IARS1: variants seen among roughly 807,000 people sequenced by gnomAD.
IARS1 encodes the protein isoleucine--tRNA ligase, cytoplasmic.
IARS1 carries 124 observed loss-of-function variants against 168.2 expected under a neutral mutation model. The observed-to-expected ratio is 0.74, with a 90% confidence interval of 0.64 to 0.86. The LOEUF (loss-of-function observed/expected upper bound fraction) is 0.86. Among genes scored for constraint, IARS1 ranks in the 40% least tolerant of loss-of-function variants. IARS1 has a pLI of 0.00. For missense variants in IARS1, 1,452 were observed against 1,515.8 expected (o/e 0.96, Z 0.70); for synonymous variants, 532 against 529.4 (o/e 1.00, Z -0.07).
chr9:92,244,023 A>T (rs997833511), intron 27 of IARS1, among the ~76,000 whole-genome samples: 1 of 152,168 alleles, frequency 6.6e-6, no homozygotes, highest in Admixed American at 6.6e-5. Flanking sequence ...TTAAGAAATG[A>T]CTCACTTCAT....
chr9:92,272,864 C>CAAAAAAAAAAAA (rs869076663), intron 10 of IARS1, among the ~76,000 whole-genome samples: 12 of 57,062 alleles, frequency 2.1e-4, no homozygotes, highest in Non-Finnish European at 3.5e-4. Flanking sequence ...CAAAACAAAA[C>CAAAAAAAAAAAA]AAAAAAAAAA....
intron 1 of IARS1, among the ~76,000 whole-genome samples, chr9:92,290,336 C>A (rs751488454): frequency 6.6e-6 from 1 of 152,142 alleles, no homozygotes; most frequent in Non-Finnish European, 1.5e-5. Context: ...TGCTTATTGG[C>A]CATTTGCGTA....
chr9:92,286,656 A>G (rs775759731), intron 4 of IARS1, 38 bp from the exon 5 acceptor site: 23 of 1,105,946 alleles, frequency 2.1e-5, no homozygotes, highest in Non-Finnish European at 3.1e-5. Context: ...TTAGACAATG[A>G]TATTTATAAT....
chr9:92,234,357 G>C (rs1827171872), intron 30 of IARS1, among the ~76,000 whole-genome samples: 1 of 152,142 alleles, frequency 6.6e-6, no homozygotes, highest in Non-Finnish European at 1.5e-5. Flanking sequence ...AATGCTTTCA[G>C]CAGGACAGTA....
In IARS1 at chr9:92,235,513, ATTTTTTT is replaced by A. The variant is rs558342421; in HGVS notation, c.3283+5336_3283+5342del. 2.5e-4 allele frequency among the ~76,000 whole-genome samples: 28 copies of A among 114,194 alleles called. No homozygotes were observed. In the South Asian group the frequency reaches 6.3e-3, roughly 26 times the overall value. The allele number at this position is 114,194 out of a possible 152,430, so 74.9% of individuals were successfully genotyped here. A position where few individuals can be genotyped will look rare whatever the true frequency, so the allele number is the denominator to read the frequency against. On this transcript the variant is annotated intron_variant, in intron 30 of 33. Transcript: ENST00000443024. ...GTCTGACAATACGATAATTACATTG[ATTTTTTT>A]TTTTTTTTTTTTTTTGAGATGGAGT... is the stretch of plus-strand genomic sequence containing the variant.
rs765657340 is a variant in IARS1 at position 92,258,803 on chromosome 9, G to A, written c.2016+51C>T. 21 of 1,512,386 alleles carry A rather than the reference G, an allele frequency of 1.4e-5. No homozygotes were observed. In the East Asian group the frequency reaches 3.9e-4, roughly 28 times the overall value. 93.7% of individuals were successfully genotyped at this position (1,512,386 alleles called of 1,614,324 possible). On this transcript the variant is annotated intron_variant, in intron 19 of 33. Transcript: ENST00000443024. Reference sequence around the variant, plus strand: ...GCTCCACCTCACAGCTTGGTGAAGGGAGCGCTGTGGAGACACGGCAGGTAC... The same window carrying A: ...GCTCCACCTCACAGCTTGGTGAAGGAAGCGCTGTGGAGACACGGCAGGTAC...
chr9:92,228,159 T>C (rs1430348170), intron 31 of IARS1, among the ~76,000 whole-genome samples: 1 of 152,102 alleles, frequency 6.6e-6, no homozygotes, highest in Non-Finnish European at 1.5e-5. Flanking sequence ...CACCTTCTTA[T>C]AATGACAACA....
At position 92,223,469 on chromosome 9, in the gene IARS1, A is replaced by T; in HGVS notation, c.3430T>A (p.Leu1144Ile). The change falls in exon 32 of 34, where the codon TTA becomes ATA. Residue 1144 changes from leucine to isoleucine, a missense_variant. Physicochemically the swap from Leu to Ile is conservative, Grantham distance 5 (BLOSUM62 2). Transcript: ENST00000443024. ...DETEIQNQTD[L>I]LSLSGKTLCV... ...AGTGTTTTTCCACTAAGACTCAGTA[A>T]GTCAGTTTGGTTTTGTATTTCTAAA... 6.2e-7 allele frequency: 1 copy of T among 1,613,188 alleles called. No homozygotes were observed. The highest frequency in any genetic ancestry group is 8.5e-7 in the Non-Finnish European group (1 of 1,179,656).
chr9:92,281,820 T>G (rs963653331), intron 6 of IARS1, among the ~76,000 whole-genome samples: 9 of 152,138 alleles, frequency 5.9e-5, no homozygotes, highest in Non-Finnish European at 1.3e-4. Flanking sequence ...TCAGACAAAC[T>G]TGAAATAAGA....
At chr9:92,263,249 TA>T (rs1186437340) in intron 16 of IARS1, among the ~76,000 whole-genome samples, 194 bp from the exon 17 acceptor site, 1 of 152,186 alleles carries the variant, frequency 6.6e-6, no homozygotes, top group African/African-American at 2.4e-5. Context: ...AGCATTGAAA[TA>T]AACGTCTGGA....
chr9:92,278,198 C>T lies in IARS1; in HGVS notation c.833+1G>A, dbSNP rs777822462. ...CACAGAGCAACTATTTGAATATTCA[C>T]CTTTCAAGGATCTCATAGTCACTCT... On this transcript the variant is annotated splice_donor_variant, in intron 8 of 33. Coordinates refer to ENST00000443024, the MANE Select transcript of IARS1 (RefSeq NM_002161.6). LOFTEE classifies it high-confidence loss of function. 3.2e-6 allele frequency: 5 copies of T among 1,565,104 alleles called. No individual in the cohort carries two copies. The Admixed American group carries it at 8.3e-5, about 26-fold the overall frequency.
Position 92,238,010 on chromosome 9 carries a change from A to T in IARS1, c.3283+2846T>A, listed in dbSNP as rs572440469. Among the ~76,000 whole-genome samples the T allele has an allele frequency of 1.0e-3, 152 of 152,128 alleles. 1 individual carries two copies. Among genetic ancestry groups the T allele is most frequent in the African/African-American group, 3.4e-3 (143 of 41,498 alleles). On this transcript the variant is annotated intron_variant, in intron 30 of 33. Transcript: ENST00000443024. ...AACCTCCGCCTCCCGGGTTCAAGCG[A>T]TTCTCCTGTCTCAGCCTCCTGAGTA...
At position 92,287,922 on chromosome 9, in the gene IARS1, T is replaced by G. The variant is rs374792884; in HGVS notation, c.277-12A>C. 2.5e-6 allele frequency: 4 copies of G among 1,613,540 alleles called. No individual in the cohort carries two copies. The African/African-American group carries it at 4.0e-5, about 16-fold the overall frequency. ...TCAATTTCATATTCCTGAAAATTTG[T>G]GATAAGACTGTTACCACGCTGCCCT... is the stretch of plus-strand genomic sequence containing the variant. On this transcript the variant is annotated splice_polypyrimidine_tract_variant and intron_variant, in intron 3 of 33. Transcript: ENST00000443024.
rs139366322 is a variant in IARS1, at chr9:92,228,318, G to A, written c.3409+683C>T. Among the ~76,000 whole-genome samples, 1,090 of 152,070 alleles carry A rather than the reference G, an allele frequency of 7.2e-3. 10 individuals carry two copies. The highest frequency in any genetic ancestry group is 0.012 in the Admixed American group (185 of 15,276). Reference sequence around the variant, plus strand: ...TTTTTCAGAGGTCACAATTCAATACGTAACAGCGGGAGAATGCATCTATAA... The same window carrying A: ...TTTTTCAGAGGTCACAATTCAATACATAACAGCGGGAGAATGCATCTATAA... On this transcript the variant is annotated intron_variant, in intron 31 of 33. Transcript: ENST00000443024.
chr9:92,239,950 G>C (rs1245854392), intron 30 of IARS1, among the ~76,000 whole-genome samples: 2 of 152,160 alleles, frequency 1.3e-5, no homozygotes, highest in African/African-American at 4.8e-5. Flanking sequence ...CCTTTGTCAA[G>C]GGAGCAGAAT....
Position 92,287,737 on chromosome 9 carries a change from GCC to G in IARS1, c.396+52_396+53del, listed in dbSNP as rs1835675270. 5.8e-6 allele frequency: 9 copies of G among 1,552,446 alleles called. No homozygotes were observed. In the Admixed American group the frequency reaches 1.9e-4, roughly 32 times the overall value. On this transcript the variant is annotated intron_variant, in intron 4 of 33. Transcript: ENST00000443024. ...ACAAGGGACCATAAACCATTTCAAT[GCC>G]CATTTAGTAACTACATTTGCTGTTC...
At chr9:92,223,312 C>T (rs375173284) in intron 32 of IARS1, 34 bp downstream of exon 32, 7 of 1,579,986 alleles carry the variant, frequency 4.4e-6, no homozygotes, top group Non-Finnish European at 6.0e-6. Context: ...ATGCCCAGCA[C>T]CCCACAGTCT....
At chr9:92,236,362 C>G (rs1827528996) in intron 30 of IARS1, among the ~76,000 whole-genome samples, 1 of 149,840 alleles carries the variant, frequency 6.7e-6, no homozygotes, top group Non-Finnish European at 1.5e-5. Flanking sequence ...AATGTTCCTT[C>G]CTCTTCTATT....
At chr9:92,268,438 G>A in intron 13 of IARS1, 138 bp from the exon 14 acceptor site, 1 of 809,454 alleles carries the variant, frequency 1.2e-6, no homozygotes, top group South Asian at 1.6e-5. Context: ...CAAAGAGAAT[G>A]TCTTCTAAAT....
Sources: allele counts gnomAD v4.1 joint callset (sites outside exome capture counted in the v4.1 genomes callset), GRCh38; gene constraint gnomAD v4.1.1; transcripts MANE v1.5; gene names NCBI Gene and HGNC (gene_info 2026-07-23, HGNC 2026-07-21).